CACNA2D3: variants seen among roughly 807,000 people sequenced by gnomAD.
CACNA2D3 encodes calcium voltage-gated channel auxiliary subunit alpha2delta 3, also known as voltage-dependent calcium channel subunit alpha-2/delta-3.
A neutral mutation model predicts 160.6 loss-of-function variants in CACNA2D3; 60 were observed. The observed-to-expected ratio is 0.37, with a 90% CI of 0.30 to 0.46. The LOEUF is 0.46. Ranked by LOEUF, CACNA2D3 falls within the 20% of genes least tolerant of loss-of-function variation. The pLI is 1.00. For synonymous variants in CACNA2D3, 558 were observed against 492.9 expected, an observed-to-expected ratio of 1.13 and a Z score of -1.75; for missense variants, 1,205 against 1,365.0, an observed-to-expected ratio of 0.88 and a Z score of 1.85.
intron 27 of CACNA2D3, chr3:54,927,800 T>C (rs1233905344): frequency 2.4e-6 from 3 of 1,253,462 alleles, no homozygotes; most frequent in Non-Finnish European, 3.5e-6. Flanking sequence ...TCCAGTCTTT[T>C]AAGACAGACG....
At chr3:54,747,451 A>G (rs1701773310) in intron 11 of CACNA2D3, among the ~76,000 whole-genome samples, 1 of 152,150 alleles carries the variant, frequency 6.6e-6, no homozygotes, top group African/African-American at 2.4e-5. Context: ...TTATAAGATT[A>G]TCATAGGATA....
intron 3 of CACNA2D3, among the ~76,000 whole-genome samples, chr3:54,321,476 G>A (rs1211134424): frequency 6.6e-6 from 1 of 152,158 alleles, no homozygotes; most frequent in Non-Finnish European, 1.5e-5. Flanking sequence ...AAATAATGCT[G>A]CAGTGAATCT....
At chr3:54,864,685 A>T (rs1022348194) in intron 17 of CACNA2D3, among the ~76,000 whole-genome samples, 1 of 152,186 alleles carries the variant, frequency 6.6e-6, no homozygotes, top group Non-Finnish European at 1.5e-5. Context: ...TTGACTGCCA[A>T]TGTGATTCTG....
intron 30 of CACNA2D3, among the ~76,000 whole-genome samples, chr3:54,986,311 G>C (rs1213709122): frequency 6.6e-6 from 1 of 152,140 alleles, no homozygotes; most frequent in Non-Finnish European, 1.5e-5. Flanking sequence ...GATAGACCCA[G>C]TGAGTTTGCC....
chr3:54,728,592 C>T (rs1217869722), intron 11 of CACNA2D3, among the ~76,000 whole-genome samples: 1 of 152,188 alleles, frequency 6.6e-6, no homozygotes, highest in Admixed American at 6.5e-5. Flanking sequence ...GCATGCCCAA[C>T]AATTCTTGAT....
intron 14 of CACNA2D3, among the ~76,000 whole-genome samples, chr3:54,822,794 T>TTC (rs1189595944): frequency 9.5e-5 from 6 of 63,266 alleles, no homozygotes; most frequent in Admixed American, 1.8e-4. Flanking sequence ...TTCTTTCCTT[T>TTC]CTTTCTTTCT....
At chr3:54,477,167 G>GT (rs1434196366) in intron 4 of CACNA2D3, among the ~76,000 whole-genome samples, 1 of 152,030 alleles carries the variant, frequency 6.6e-6, no homozygotes, top group Non-Finnish European at 1.5e-5. Flanking sequence ...TTCTCATGGG[G>GT]TATTAGCTCA....
chr3:54,175,505 C>T (rs1030801998), intron 2 of CACNA2D3, among the ~76,000 whole-genome samples: 8 of 150,326 alleles, frequency 5.3e-5, no homozygotes, highest in East Asian at 3.9e-4. Flanking sequence ...CCCAGCTACT[C>T]GGAAGGCTGA....
chr3:54,270,366 T>C (rs927830704), intron 2 of CACNA2D3, among the ~76,000 whole-genome samples: 94 of 152,364 alleles, frequency 6.2e-4, no homozygotes, highest in African/African-American at 2.2e-3. Context: ...CAGGAATTAA[T>C]CGACCTGCTT....
At chr3:54,596,722 T>A (rs1002525094) in intron 9 of CACNA2D3, among the ~76,000 whole-genome samples, 2 of 152,134 alleles carry the variant, frequency 1.3e-5, no homozygotes, top group African/African-American at 4.8e-5. Flanking sequence ...TGTTCTTGAC[T>A]TCACCATGCA....
At chr3:54,645,644 C>A (rs919901497) in intron 11 of CACNA2D3, among the ~76,000 whole-genome samples, 1 of 152,166 alleles carries the variant, frequency 6.6e-6, no homozygotes, top group African/African-American at 2.4e-5. Flanking sequence ...TTGCTGTTCC[C>A]CAGCCTCCGG....
intron 4 of CACNA2D3, among the ~76,000 whole-genome samples, chr3:54,477,303 G>A (rs180753774): frequency 9.7e-4 from 147 of 151,936 alleles, no homozygotes; most frequent in Admixed American, 2.6e-3. Context: ...GGCCAAGGTC[G>A]TTGCGGGAAA....
At chr3:54,684,153 G>T (rs1421042575) in intron 11 of CACNA2D3, among the ~76,000 whole-genome samples, 2 of 151,836 alleles carry the variant, frequency 1.3e-5, no homozygotes, top group Non-Finnish European at 2.9e-5. Context: ...TAGAGAGATG[G>T]TTTCACCATG....
chr3:54,902,443 T>C (rs1700355940), intron 27 of CACNA2D3, among the ~76,000 whole-genome samples: 1 of 152,230 alleles, frequency 6.6e-6, no homozygotes, highest in Non-Finnish European at 1.5e-5. Flanking sequence ...ACGCCAGCCT[T>C]GGTGCATAAA....
intron 3 of CACNA2D3, among the ~76,000 whole-genome samples, chr3:54,341,147 A>G (rs1196307059): frequency 2.6e-5 from 4 of 152,204 alleles, no homozygotes; most frequent in Admixed American, 6.5e-5. Context: ...AGCCCTTTTC[A>G]TCACATGAGC....
chr3:54,814,982 A>T (rs1318071792), intron 13 of CACNA2D3, among the ~76,000 whole-genome samples: 3 of 152,236 alleles, frequency 2.0e-5, no homozygotes, highest in Non-Finnish European at 2.9e-5. Context: ...ACACTTTCCT[A>T]AGAAAATATA....
chr3:54,318,710 T>TC (rs1553620828), intron 2 of CACNA2D3, among the ~76,000 whole-genome samples: 1 of 150,026 alleles, frequency 6.7e-6, no homozygotes, highest in Non-Finnish European at 1.5e-5. Context: ...TTTTTTTTTT[T>TC]CTGAGACAAG....
At chr3:54,763,809 A>ACGTATATATG (rs1559573766) in intron 12 of CACNA2D3, among the ~76,000 whole-genome samples, 1 of 15,746 alleles carries the variant, frequency 6.4e-5, no homozygotes, top group African/African-American at 2.4e-4. Flanking sequence ...GTACATATAT[A>ACGTATATATG]TACATATATA....
intron 2 of CACNA2D3, among the ~76,000 whole-genome samples, chr3:54,135,926 A>T (rs1015859439): frequency 6.6e-6 from 1 of 152,180 alleles, no homozygotes; most frequent in Non-Finnish European, 1.5e-5. Context: ...GGGCCAGTGT[A>T]TTGAGGCCAC....
Sources: allele counts gnomAD v4.1 joint callset (sites outside exome capture counted in the v4.1 genomes callset), GRCh38; gene constraint gnomAD v4.1.1; transcripts MANE v1.5; gene names NCBI Gene and HGNC (gene_info 2026-07-23, HGNC 2026-07-21).